Variants in FAF1 observed in about 807,000 individuals in gnomAD.
FAF1 encodes FAS-associated factor 1.
In FAF1, 25 loss-of-function variants were observed where a neutral mutation model predicts 92.5. That is an observed-to-expected ratio of 0.27 (90% CI 0.20 to 0.38). The LOEUF (loss-of-function observed/expected upper bound fraction) is 0.38. FAF1 is among the 10% of genes least tolerant of loss of function. The pLI, the probability that FAF1 is intolerant of heterozygous loss-of-function variation, is 1.00. For missense variants in FAF1, 636 were observed against 793.3 expected (o/e 0.80, Z 2.38); for synonymous variants, 234 against 273.2 (o/e 0.86, Z 1.42).
At chr1:50,573,109 CTTTT>C (rs111946633) in intron 12 of FAF1, among the ~76,000 whole-genome samples, 1 of 143,174 alleles carries the variant, frequency 7.0e-6, no homozygotes, top group Admixed American at 7.0e-5. Context: ...TTTTTCTTTT[CTTTT>C]TTTTTTTTTT....
intron 17 of FAF1, among the ~76,000 whole-genome samples, chr1:50,483,567 G>A (rs1646726382): frequency 1.3e-5 from 2 of 152,162 alleles, no homozygotes; most frequent in South Asian, 4.1e-4. Flanking sequence ...ATTTTGAGAT[G>A]TAAGCCACTG....
intron 2 of FAF1, among the ~76,000 whole-genome samples, chr1:50,838,674 G>A (rs1415859196): frequency 6.6e-6 from 1 of 151,292 alleles, no homozygotes; most frequent in Non-Finnish European, 1.5e-5. Context: ...ATGTTACTGG[G>A]TTTTGCAAAT....
chr1:50,507,557 T>C (rs1265623872), intron 15 of FAF1, among the ~76,000 whole-genome samples: 1 of 152,058 alleles, frequency 6.6e-6, no homozygotes, highest in African/African-American at 2.4e-5. Context: ...CTGGATAACA[T>C]GGCGAGACCC....
rs879801268 is a variant in FAF1, at chr1:50,823,666, TA to T, written c.115-21990del. 7.4e-3 allele frequency among the ~76,000 whole-genome samples: 1,015 copies of T among 137,660 alleles called. 20 individuals are homozygous for T. The highest frequency in any genetic ancestry group is 0.025 in the African/African-American group (946 of 37,744). 90.3% of individuals were successfully genotyped at this position (137,660 alleles called of 152,430 possible). On this transcript the variant is annotated intron_variant, in intron 2 of 18. Coordinates refer to ENST00000396153, the MANE Select transcript of FAF1 (RefSeq NM_007051.3). Reference sequence around the variant, plus strand: ...CTACTTACTTTATTTTTGAAAACAATAAAAAAAAAAACTGGAAAAGACATAC... The same window carrying T: ...CTACTTACTTTATTTTTGAAAACAATAAAAAAAAAACTGGAAAAGACATAC...
intron 15 of FAF1, among the ~76,000 whole-genome samples, chr1:50,502,490 T>C (rs1255501648): frequency 6.6e-6 from 1 of 152,184 alleles, no homozygotes; most frequent in Non-Finnish European, 1.5e-5. Context: ...TGGGGGCACA[T>C]GAGCATTCCG....
chr1:50,510,363 T>A lies in FAF1; in HGVS notation c.1495-18562A>T, dbSNP rs1647118761. The stretch of plus-strand genomic sequence containing the variant: ...GTGACTTTAGGGAAAATAGCTGAAT[T>A]TCCCCTAAGGACTGTTTAGGGAGGA... On this transcript the variant is annotated intron_variant, in intron 15 of 18. Coordinates refer to ENST00000396153, the MANE Select transcript of FAF1 (RefSeq NM_007051.3). Among the ~76,000 whole-genome samples, 9 of 152,158 alleles carry A rather than the reference T, an allele frequency of 5.9e-5. No individual in the cohort carries two copies. The South Asian group carries it at 1.9e-3, about 32-fold the overall frequency.
intron 8 of FAF1, among the ~76,000 whole-genome samples, chr1:50,651,012 G>C (rs1355501492): frequency 6.6e-6 from 1 of 152,174 alleles, no homozygotes; most frequent in Non-Finnish European, 1.5e-5. Context: ...CGTTAACTCT[G>C]AAGGGAGATG....
At chr1:50,671,999 TG>T (rs1655903796) in intron 7 of FAF1, among the ~76,000 whole-genome samples, 1 of 150,052 alleles carries the variant, frequency 6.7e-6, no homozygotes, top group African/African-American at 2.5e-5. Flanking sequence ...GGTCTCACTA[TG>T]TTGTCCAGGG....
At chr1:50,959,379 C>A (rs542234779) in intron 1 of FAF1, among the ~76,000 whole-genome samples, 1 of 152,040 alleles carries the variant, frequency 6.6e-6, no homozygotes, top group Non-Finnish European at 1.5e-5. Context: ...TAACACCACA[C>A]GCTCCACGCT....
At chr1:50,654,117 T>C (rs1654999815) in intron 8 of FAF1, among the ~76,000 whole-genome samples, 2 of 152,182 alleles carry the variant, frequency 1.3e-5, no homozygotes, top group Admixed American at 1.3e-4. Context: ...TTTTCTGTCT[T>C]CCACAAAGAA....
At chr1:50,608,523 T>G (rs965995247) in intron 8 of FAF1, among the ~76,000 whole-genome samples, 5 of 152,110 alleles carry the variant, frequency 3.3e-5, no homozygotes, top group Middle Eastern at 6.3e-3. Flanking sequence ...ACTAGGGAAA[T>G]GGTAATCCTA....
In FAF1 at chr1:50,484,235, G is replaced by A. The variant is rs1646735249; in HGVS notation, c.1653+6353C>T. Among the ~76,000 whole-genome samples the A allele has an allele frequency of 2.0e-5, 3 of 152,190 alleles. No homozygotes were observed. In the South Asian group the frequency reaches 6.2e-4, roughly 32 times the overall value. ...GGATAGCTTACTACTCTACTACTAT[G>A]ACCTCATTTCTGGATAAAGTAAGTA... On this transcript the variant is annotated intron_variant, in intron 17 of 18. Transcript: ENST00000396153.
chr1:50,714,798 A>C (rs1030827356), intron 6 of FAF1, among the ~76,000 whole-genome samples: 3 of 152,150 alleles, frequency 2.0e-5, no homozygotes, highest in Non-Finnish European at 4.4e-5. Context: ...TTTTTCTAAT[A>C]ACTCTAAGCT....
intron 15 of FAF1, among the ~76,000 whole-genome samples, chr1:50,517,797 T>C (rs1388648231): frequency 1.3e-5 from 2 of 152,234 alleles, no homozygotes; most frequent in Non-Finnish European, 2.9e-5. Flanking sequence ...AAAATGGGTA[T>C]AATAAAACCT....
chr1:50,668,892 T>A (rs1655747972), intron 7 of FAF1, among the ~76,000 whole-genome samples: 1 of 152,192 alleles, frequency 6.6e-6, no homozygotes, highest in Non-Finnish European at 1.5e-5. Context: ...CTGAATAAAC[T>A]GCCTGAAGTC....
At chr1:50,932,227 A>C (rs988908785) in intron 1 of FAF1, among the ~76,000 whole-genome samples, 2 of 152,254 alleles carry the variant, frequency 1.3e-5, no homozygotes, top group African/African-American at 2.4e-5. Flanking sequence ...CAAAGCCGTA[A>C]CTCATTTCAG....
chr1:50,589,793 A>T (rs993855644), intron 9 of FAF1, among the ~76,000 whole-genome samples: 1 of 152,140 alleles, frequency 6.6e-6, no homozygotes, highest in African/African-American at 2.4e-5. Context: ...TTTTCTTTTA[A>T]CAGTTGTATT....
chr1:50,762,379 C>T (rs1478762510), intron 4 of FAF1, among the ~76,000 whole-genome samples: 3 of 152,048 alleles, frequency 2.0e-5, no homozygotes, highest in Non-Finnish European at 4.4e-5. Context: ...TCTGCATCGC[C>T]AAGTCAATCC....
intron 4 of FAF1, among the ~76,000 whole-genome samples, chr1:50,779,566 A>C (rs1388213719): frequency 6.6e-6 from 1 of 151,642 alleles, no homozygotes; most frequent in Non-Finnish European, 1.5e-5. Flanking sequence ...TTTAGATATG[A>C]GATAAATATA....
Sources: allele counts gnomAD v4.1 joint callset (sites outside exome capture counted in the v4.1 genomes callset), GRCh38; gene constraint gnomAD v4.1.1; transcripts MANE v1.5; gene names NCBI Gene and HGNC (gene_info 2026-07-23, HGNC 2026-07-21).